Variants in PRKG1 observed in about 807,000 individuals in gnomAD.
The protein encoded by PRKG1 is cGMP-dependent protein kinase 1.
A neutral mutation model predicts 88.1 loss-of-function variants in PRKG1; 35 were observed. That is an observed-to-expected ratio of 0.40 (90% CI 0.30 to 0.53). The LOEUF is 0.53. Among genes scored for constraint, PRKG1 ranks in the 20% least tolerant of loss-of-function variants. PRKG1 has a pLI of 0.59. For missense variants in PRKG1, 540 were observed against 839.8 expected (o/e 0.64, Z 4.41); for synonymous variants, 303 against 292.5 (o/e 1.04, Z -0.37).
intron 1 of PRKG1, among the ~76,000 whole-genome samples, chr10:51,062,238 T>A (rs1233698285): frequency 6.6e-6 from 1 of 152,196 alleles, no homozygotes; most frequent in Non-Finnish European, 1.5e-5. Flanking sequence ...ATTCAACTGG[T>A]TGGGCCTGAT....
At chr10:51,388,706 AAAC>A (rs1156603720) in intron 2 of PRKG1, among the ~76,000 whole-genome samples, 2 of 152,226 alleles carry the variant, frequency 1.3e-5, no homozygotes, top group African/African-American at 4.8e-5. Context: ...TATTTTATAA[AAAC>A]AAATTGTCTA....
intron 3 of PRKG1, among the ~76,000 whole-genome samples, chr10:51,500,687 AT>A (rs1182140255): frequency 2.0e-5 from 3 of 152,080 alleles, no homozygotes; most frequent in African/African-American, 7.2e-5. Flanking sequence ...GGCTACCAAA[AT>A]CCCCTTTCTC....
In PRKG1 at chr10:51,054,580, G is replaced by T. The variant is rs548523081; in HGVS notation, c.266+62936G>T. Among the ~76,000 whole-genome samples, 6 of 152,176 alleles carry T rather than the reference G, an allele frequency of 3.9e-5. No homozygotes were observed. The South Asian group carries it at 8.3e-4, about 21-fold the overall frequency. On this transcript the variant is annotated intron_variant, in intron 1 of 17. Coordinates refer to the PRKG1 transcript ENST00000401604. ...GTAATTGTTATTATAACCTTAGGGG[G>T]GTCAAATCCTGAGAAGAAAATGGTG... is the stretch of plus-strand genomic sequence containing the variant.
chr10:51,572,310 T>A (rs1837777259), intron 3 of PRKG1, among the ~76,000 whole-genome samples: 1 of 151,860 alleles, frequency 6.6e-6, no homozygotes, highest in Non-Finnish European at 1.5e-5. Flanking sequence ...ATTAGAGTGC[T>A]TTAAGAATCA....
Position 51,622,845 on chromosome 10 carries a change from A to G in PRKG1, c.592+155009A>G, listed in dbSNP as rs913922791. 2.0e-5 allele frequency among the ~76,000 whole-genome samples: 3 copies of G among 152,202 alleles called. 1 individual carries two copies. The highest frequency in any genetic ancestry group is 7.2e-5 in the African/African-American group (3 of 41,460). On this transcript the variant is annotated intron_variant, in intron 3 of 17. Coordinates refer to ENST00000373980, the MANE Select transcript of PRKG1 (RefSeq NM_006258.4). ...TTGGGCTTCACTTTCTCAAATTCCA[A>G]GATTTCAATGTAATTTTTTGTCCTG...
intron 3 of PRKG1, among the ~76,000 whole-genome samples, chr10:51,797,552 A>G (rs1589295152): frequency 6.8e-6 from 1 of 146,970 alleles, no homozygotes; most frequent in African/African-American, 2.5e-5. Context: ...AATATTAAAT[A>G]TAATATTTTA....
intron 4 of PRKG1, among the ~76,000 whole-genome samples, chr10:51,901,165 T>C (rs1445026084): frequency 6.6e-6 from 1 of 152,030 alleles, no homozygotes; most frequent in Non-Finnish European, 1.5e-5. Context: ...GCCTTAAGAG[T>C]CAAAAAGTTA....
chr10:51,692,767 G>A (rs916775307), intron 3 of PRKG1, among the ~76,000 whole-genome samples: 4 of 152,098 alleles, frequency 2.6e-5, no homozygotes, highest in Admixed American at 1.3e-4. Flanking sequence ...GCATCTGCAC[G>A]TCAGATATAT....
chr10:51,258,079 G>T (rs1839611479), intron 2 of PRKG1, among the ~76,000 whole-genome samples: 2 of 152,126 alleles, frequency 1.3e-5, no homozygotes, highest in Non-Finnish European at 2.9e-5. Flanking sequence ...CACAGGGAAG[G>T]CTTATGGATG....
intron 2 of PRKG1, among the ~76,000 whole-genome samples, chr10:51,172,875 T>A (rs1438302446): frequency 6.6e-6 from 1 of 152,154 alleles, no homozygotes; most frequent in Non-Finnish European, 1.5e-5. Flanking sequence ...TAAGGAACAT[T>A]TTTAGTCTAA....
intron 1 of PRKG1, among the ~76,000 whole-genome samples, chr10:51,085,993 A>G (rs1460169607): frequency 2.0e-5 from 3 of 152,218 alleles, no homozygotes; most frequent in Non-Finnish European, 4.4e-5. Flanking sequence ...AAAATATGAC[A>G]TGAAAAATTG....
rs373502515 is a variant in PRKG1, at chr10:51,357,151, A to T, written c.479-110572A>T. On this transcript the variant is annotated intron_variant, in intron 2 of 17. Transcript: ENST00000373980. The stretch of plus-strand genomic sequence containing the variant: ...TTAGCAAGAAGTGTAATGGGTATAG[A>T]CATACATGGCAGCAGGTGAGAAATG... Among the ~76,000 whole-genome samples the T allele has an allele frequency of 3.9e-5, 6 of 152,124 alleles. 1 individual carries two copies. The highest frequency in any genetic ancestry group is 2.0e-4 in the Admixed American group (3 of 15,248).
intron 1 of PRKG1, among the ~76,000 whole-genome samples, chr10:51,013,355 C>A (rs1843015897): frequency 1.3e-5 from 2 of 152,158 alleles, no homozygotes; most frequent in African/African-American, 4.8e-5. Context: ...AAAAAGAAGG[C>A]AAAGCCATTG....
intron 3 of PRKG1, among the ~76,000 whole-genome samples, chr10:51,471,887 C>T (rs1840057985): frequency 1.3e-5 from 2 of 151,772 alleles, no homozygotes; most frequent in Admixed American, 6.6e-5. Flanking sequence ...CTACAAAGAA[C>T]GTCTATGGTG....
At chr10:51,103,774 G>A (rs1007742371) in intron 1 of PRKG1, among the ~76,000 whole-genome samples, 13 of 152,122 alleles carry the variant, frequency 8.5e-5, no homozygotes, top group African/African-American at 3.1e-4. Context: ...TCATGTAGAT[G>A]AACTTGATAG....
chr10:51,973,543 A>G (rs1391795369), intron 5 of PRKG1, among the ~76,000 whole-genome samples: 1 of 152,136 alleles, frequency 6.6e-6, no homozygotes, highest in Non-Finnish European at 1.5e-5. Flanking sequence ...CTTTGGTCCT[A>G]CTTACATCTT....
intron 2 of PRKG1, among the ~76,000 whole-genome samples, chr10:51,434,902 C>T (rs142820825): frequency 7.6e-4 from 115 of 152,136 alleles, no homozygotes; most frequent in African/African-American, 2.5e-3. Flanking sequence ...TTTCTTATTT[C>T]CTTACATGTA....
In PRKG1 at chr10:51,667,083, A is replaced by G. The variant is rs116447943; in HGVS notation, c.593-137502A>G. 6.6e-3 allele frequency among the ~76,000 whole-genome samples: 1,008 copies of G among 152,220 alleles called. 9 individuals carry two copies. The highest frequency in any genetic ancestry group is 0.023 in the African/African-American group (971 of 41,556). ...TCCCAAAGTGCTGCCATAAACATTT[A>G]TTTCTATTATTGACAAAAATAATAT... is the stretch of plus-strand genomic sequence containing the variant. On this transcript the variant is annotated intron_variant, in intron 3 of 17. Transcript: ENST00000373980.
chr10:51,683,975 G>A (rs1178493195), intron 3 of PRKG1, among the ~76,000 whole-genome samples: 1 of 152,160 alleles, frequency 6.6e-6, no homozygotes, highest in Non-Finnish European at 1.5e-5. Context: ...ACAGTCTAAT[G>A]GTTCCTCTGA....
Sources: gnomAD v4.1 joint callset for allele counts (sites outside exome capture counted in the v4.1 genomes callset) on GRCh38, gnomAD v4.1.1 for gene constraint, MANE v1.5 for transcripts, NCBI Gene and HGNC (gene_info 2026-07-23, HGNC 2026-07-21) for gene names.